CCNB3: variants seen among roughly 807,000 people sequenced by gnomAD.
CCNB3 encodes the protein cyclin B3.
A neutral mutation model predicts 68.0 loss-of-function variants in CCNB3; 12 were observed. The ratio of observed to expected loss-of-function variants is 0.18; its 90% CI spans 0.11 to 0.29. CCNB3 has a LOEUF of 0.29. Among genes scored for constraint, CCNB3 ranks in the 10% least tolerant of loss-of-function variants. The pLI, the probability that CCNB3 is intolerant of heterozygous loss-of-function variation, is 1.00. For synonymous variants in CCNB3, 354 were observed against 388.9 expected (o/e 0.91, Z 1.06); for missense variants, 904 against 993.1 (o/e 0.91, Z 1.21).
chrX:50,214,657 A>G (rs1340261977), intron 1 of CCNB3, among the ~76,000 whole-genome samples: 1 of 100,637 alleles, frequency 9.9e-6, no homozygotes, highest in Non-Finnish European at 2.0e-5. Context: ...ATAATGAAAT[A>G]TAATATATAA....
intron 8 of CCNB3, among the ~76,000 whole-genome samples, chrX:50,330,513 A>G (rs782541318): frequency 3.3e-4 from 37 of 111,759 alleles, no homozygotes; most frequent in Admixed American, 2.7e-3. Flanking sequence ...TTTCTTCCTC[A>G]CTACCTACGT....
chrX:50,279,198 T>C (rs1176128489), intron 1 of CCNB3, among the ~76,000 whole-genome samples: 1 of 3,941 alleles, frequency 2.5e-4, no homozygotes, highest in African/African-American at 4.2e-4. Context: ...TCTCTATATA[T>C]AAATATATAG....
intron 5 of CCNB3, among the ~76,000 whole-genome samples, chrX:50,297,181 G>A (rs1402653949): frequency 8.9e-6 from 1 of 111,813 alleles, no homozygotes; most frequent in Non-Finnish European, 1.9e-5. Context: ...TGCTTTTGGT[G>A]TTTTAGACAT....
upstream of CCNB3, chrX:50,202,838 A>G (rs1002809337): frequency 4.1e-4 from 46 of 111,073 alleles, no homozygotes; most frequent in African/African-American, 1.3e-3. Context: ...ATGTGAAACC[A>G]ATGAGCAAAA....
At chrX:50,288,524 CA>C (rs1557209650) in intron 3 of CCNB3, among the ~76,000 whole-genome samples, 6 of 111,392 alleles carry the variant, frequency 5.4e-5, no homozygotes, top group Non-Finnish European at 9.4e-5. Flanking sequence ...ACACTTTGCT[CA>C]TTTTGTGAGT....
chrX:50,329,208 G>A (rs1254065233), intron 8 of CCNB3, among the ~76,000 whole-genome samples: 1 of 111,744 alleles, frequency 8.9e-6, no homozygotes, highest in African/African-American at 3.3e-5. Flanking sequence ...CCACTAGGCA[G>A]TATCCCACTG....
At chrX:50,314,033 C>A in intron 8 of CCNB3, 85 bp downstream of exon 8, 1 of 675,096 alleles carries the variant, frequency 1.5e-6, no homozygotes, top group Non-Finnish European at 2.4e-6. Flanking sequence ...TAAAAATGTA[C>A]TGGGTCTATA....
At position 50,295,123 on chromosome X, in the gene CCNB3, G is replaced by A. The variant is rs782802301; in HGVS notation, c.335+130G>A. Reference sequence around the variant, plus strand: ...ACATTAACCCTGGGTGCTGAGGTGGGCTCAGCTGTGGTTGCTGAAGAGTTA... The same window carrying A: ...ACATTAACCCTGGGTGCTGAGGTGGACTCAGCTGTGGTTGCTGAAGAGTTA... On this transcript the variant is annotated intron_variant, in intron 5 of 12. Coordinates refer to ENST00000376042, the MANE Select transcript of CCNB3 (RefSeq NM_033031.3). The A allele has an allele frequency of 1.4e-5, 9 of 636,468 alleles. No individual in the cohort carries two copies. The African/African-American group carries it at 1.6e-4, about 11-fold the overall frequency. 52.5% of individuals were successfully genotyped at this position (636,468 alleles called of 1,213,427 possible).
At chrX:50,334,326 AT>A (rs1431197496) in intron 8 of CCNB3, among the ~76,000 whole-genome samples, 1 of 112,601 alleles carries the variant, frequency 8.9e-6, no homozygotes, top group Non-Finnish European at 1.9e-5. Context: ...GGGTGGCGGG[AT>A]TTAGGGTGTT....
At chrX:50,206,515 T>A (rs1380211704) in intron 1 of CCNB3, among the ~76,000 whole-genome samples, 1 of 82,875 alleles carries the variant, frequency 1.2e-5, no homozygotes, top group Admixed American at 1.3e-4. Context: ...AGCCTGGGAG[T>A]GGGAGGTTGC....
At chrX:50,304,912 T>G (rs1237412212) in intron 5 of CCNB3, among the ~76,000 whole-genome samples, 2 of 112,023 alleles carry the variant, frequency 1.8e-5, no homozygotes, top group African/African-American at 6.5e-5. Context: ...AAATGCTCAT[T>G]ATCACTGGCC....
intron 3 of CCNB3, among the ~76,000 whole-genome samples, chrX:50,286,848 C>T (rs918587287): frequency 7.2e-5 from 8 of 111,572 alleles, no homozygotes; most frequent in African/African-American, 2.0e-4. Flanking sequence ...CGGGGTTTCC[C>T]CGTGTTGGCC....
rs782091244 is a variant in CCNB3, at chrX:50,206,188, A to G, written c.-113+1238A>G. 2.7e-5 allele frequency among the ~76,000 whole-genome samples: 3 copies of G among 111,081 alleles called. No homozygotes were observed. In the Admixed American group the frequency reaches 2.9e-4, roughly 11 times the overall value. On this transcript the variant is annotated intron_variant, in intron 1 of 12. Coordinates refer to ENST00000376042, the MANE Select transcript of CCNB3 (RefSeq NM_033031.3). ...AGCCCGGGAGACAGAGGTTGCAGTG[A>G]GCCGGGATGGCGCCACTGCACTCCA...
chrX:50,279,767 A>G (rs1289980657), intron 1 of CCNB3, among the ~76,000 whole-genome samples: 2 of 89,803 alleles, frequency 2.2e-5, no homozygotes, highest in African/African-American at 4.0e-5. Context: ...AATATATATG[A>G]ATATGTATAT....
intron 1 of CCNB3, among the ~76,000 whole-genome samples, chrX:50,227,159 T>C (rs1400271444): frequency 2.5e-5 from 2 of 80,983 alleles, no homozygotes; most frequent in African/African-American, 5.0e-5. Context: ...ACAATATATG[T>C]AGAATATATA....
At chrX:50,228,576 G>T (rs1460467057) in intron 1 of CCNB3, among the ~76,000 whole-genome samples, 2 of 78,615 alleles carry the variant, frequency 2.5e-5, no homozygotes, top group African/African-American at 1.1e-4. Flanking sequence ...ATAATATATA[G>T]AATATATATA....
chrX:50,296,197 T>G (rs1360043410), intron 5 of CCNB3, among the ~76,000 whole-genome samples: 1 of 107,085 alleles, frequency 9.3e-6, no homozygotes, highest in Non-Finnish European at 1.9e-5. Context: ...TTGTTACATA[T>G]GTACACATGT....
chrX:50,227,368 A>C (rs1010337286), intron 1 of CCNB3, among the ~76,000 whole-genome samples: 3 of 83,251 alleles, frequency 3.6e-5, no homozygotes, highest in Non-Finnish European at 6.6e-5. Flanking sequence ...TACTCACAGA[A>C]TATATATAAA....
chrX:50,336,185 G>C (rs1447265969), intron 8 of CCNB3, among the ~76,000 whole-genome samples: 1 of 112,005 alleles, frequency 8.9e-6, no homozygotes. Flanking sequence ...GAGGTCTTTT[G>C]CTCCGAATCA....
Sources: allele counts gnomAD v4.1 joint callset (sites outside exome capture counted in the v4.1 genomes callset), GRCh38; gene constraint gnomAD v4.1.1; transcripts MANE v1.5; gene names NCBI Gene and HGNC (gene_info 2026-07-23, HGNC 2026-07-21).